Variants in TEK observed in about 807,000 individuals in gnomAD.
The protein encoded by TEK is angiopoietin-1 receptor.
A neutral mutation model predicts 131.8 loss-of-function variants in TEK; 43 were observed. The ratio of observed to expected loss-of-function variants is 0.33; its 90% CI spans 0.26 to 0.42. TEK has a LOEUF of 0.42. TEK is among the 10% of genes least tolerant of loss of function. The pLI is 1.00. For missense variants in TEK, 1,162 were observed against 1,384.4 expected (o/e 0.84, Z 2.55); for synonymous variants, 580 against 491.6 (o/e 1.18, Z -2.38).
At chr9:27,180,119 C>T in intron 6 of TEK, 121 bp from the exon 7 acceptor site, 3 of 1,423,396 alleles carry the variant, frequency 2.1e-6, no homozygotes, top group Non-Finnish European at 2.9e-6. Flanking sequence ...AAATTACCCC[C>T]TACCTTACAC....
intron 2 of TEK, among the ~76,000 whole-genome samples, chr9:27,158,895 G>A (rs1272820163): frequency 2.0e-5 from 3 of 152,154 alleles, no homozygotes; most frequent in East Asian, 1.9e-4. Context: ...TGTAGACCTC[G>A]TGATCTGCCC....
At chr9:27,117,827 C>G (rs571825509) in intron 1 of TEK, among the ~76,000 whole-genome samples, 2 of 152,246 alleles carry the variant, frequency 1.3e-5, no homozygotes, top group South Asian at 4.1e-4. Context: ...CTGGTCACAC[C>G]CATCTCAGCA....
chr9:27,220,232 G>A, intron 21 of TEK, 87 bp downstream of exon 21: 1 of 1,249,426 alleles, frequency 8.0e-7, no homozygotes, highest in African/African-American at 1.5e-5. Context: ...AAGTCAGCCG[G>A]TATACACTAT....
At chr9:27,196,217 A>G (rs1468399319) in intron 11 of TEK, among the ~76,000 whole-genome samples, 1 of 152,212 alleles carries the variant, frequency 6.6e-6, no homozygotes, top group Admixed American at 6.5e-5. Flanking sequence ...TAGCATGCCT[A>G]CATGTACTTG....
intron 16 of TEK, among the ~76,000 whole-genome samples, chr9:27,212,005 G>A (rs77655251): frequency 0.31 from 45,478 of 145,322 alleles, 7,546 homozygotes; most frequent in East Asian, 0.58. Flanking sequence ...AAAAAAAAAA[G>A]AGAGAGAGAA....
At chr9:27,216,587 G>GA (rs1458542585) in intron 18 of TEK, among the ~76,000 whole-genome samples, 3 of 152,032 alleles carry the variant, frequency 2.0e-5, no homozygotes, top group Admixed American at 6.6e-5. Context: ...GTAGATGTGA[G>GA]AAAAAATACT....
chr9:27,190,168 G>T (rs1824758417), intron 9 of TEK, among the ~76,000 whole-genome samples: 1 of 152,180 alleles, frequency 6.6e-6, no homozygotes, highest in Admixed American at 6.6e-5. Flanking sequence ...TGAAAGGTCA[G>T]TGGGACTGGA....
chr9:27,213,972 C>G (rs1348984587), intron 18 of TEK, among the ~76,000 whole-genome samples: 6 of 152,122 alleles, frequency 3.9e-5, no homozygotes, highest in Non-Finnish European at 1.5e-5. Context: ...ACATATTTTC[C>G]AAAAGTCAAG....
intron 14 of TEK, among the ~76,000 whole-genome samples, 198 bp downstream of exon 14, chr9:27,205,263 T>C (rs1825361632): frequency 6.6e-6 from 1 of 152,114 alleles, no homozygotes; most frequent in Non-Finnish European, 1.5e-5. Flanking sequence ...ACCAGAACAA[T>C]TTTGAGAGTG....
intron 2 of TEK, among the ~76,000 whole-genome samples, chr9:27,161,004 A>C (rs1823525241): frequency 6.6e-6 from 1 of 152,340 alleles, no homozygotes; most frequent in South Asian, 2.1e-4. Flanking sequence ...TGCCCCAGTC[A>C]TTTCGTGGGA....
At chr9:27,130,923 A>T (rs549613640) in intron 1 of TEK, among the ~76,000 whole-genome samples, 1 of 152,236 alleles carries the variant, frequency 6.6e-6, no homozygotes, top group African/African-American at 2.4e-5. Context: ...AGAAAAAAAT[A>T]AAAACATCAA....
chr9:27,148,349 G>A (rs1823000708), intron 1 of TEK, among the ~76,000 whole-genome samples: 1 of 152,218 alleles, frequency 6.6e-6, no homozygotes, highest in South Asian at 2.1e-4. Context: ...CACATGTTGT[G>A]AGTATATCAG....
chr9:27,138,928 A>G (rs11793907), intron 1 of TEK, among the ~76,000 whole-genome samples: 58,522 of 151,650 alleles, frequency 0.39, 12,154 homozygotes, highest in African/African-American at 0.49. Context: ...TAGGATTCTT[A>G]GATGGGCACG....
At chr9:27,145,607 A>C (rs1822886824) in intron 1 of TEK, among the ~76,000 whole-genome samples, 1 of 152,226 alleles carries the variant, frequency 6.6e-6, no homozygotes, top group South Asian at 2.1e-4. Flanking sequence ...TCAAGACCAA[A>C]GTTCTTAATG....
At chr9:27,170,526 G>T (rs1326360126) in intron 4 of TEK, among the ~76,000 whole-genome samples, 2 of 152,206 alleles carry the variant, frequency 1.3e-5, no homozygotes, top group Non-Finnish European at 2.9e-5. Context: ...TTGACAGGTT[G>T]AGGTGGGAGG....
chr9:27,218,146 T>G (rs1000866250), intron 19 of TEK, among the ~76,000 whole-genome samples: 1 of 147,182 alleles, frequency 6.8e-6, no homozygotes, highest in East Asian at 2.1e-4. Context: ...GGGTCGTCTC[T>G]GCTTGCAGCC....
intron 9 of TEK, among the ~76,000 whole-genome samples, chr9:27,187,432 C>G (rs1019331039): frequency 1.3e-5 from 2 of 152,172 alleles, no homozygotes; most frequent in Non-Finnish European, 2.9e-5. Flanking sequence ...TGGGAACCAG[C>G]AGTTCCACCC....
At chr9:27,184,659 C>G (rs1418369533) in intron 8 of TEK, among the ~76,000 whole-genome samples, 2 of 152,140 alleles carry the variant, frequency 1.3e-5, no homozygotes, top group Admixed American at 6.5e-5. Flanking sequence ...TATGTAACTT[C>G]TTACTTAACA....
At chr9:27,126,646 C>T (rs890253839) in intron 1 of TEK, among the ~76,000 whole-genome samples, 1 of 152,162 alleles carries the variant, frequency 6.6e-6, no homozygotes, top group Non-Finnish European at 1.5e-5. Flanking sequence ...TAGCACAGAC[C>T]AGAGAGAAAC....
Sources: gnomAD v4.1 joint callset for allele counts (sites outside exome capture counted in the v4.1 genomes callset) on GRCh38, gnomAD v4.1.1 for gene constraint, MANE v1.5 for transcripts, NCBI Gene and HGNC (gene_info 2026-07-23, HGNC 2026-07-21) for gene names.